SNAP91: variants seen among roughly 807,000 people sequenced by gnomAD.
The protein encoded by SNAP91 is synaptosome associated protein 91.
In SNAP91, 27 loss-of-function variants were observed where a neutral mutation model predicts 100.3. That is an observed-to-expected ratio of 0.27 (90% CI 0.20 to 0.37). SNAP91 has a LOEUF of 0.37. SNAP91 is among the 10% of genes least tolerant of loss of function. The pLI, the probability that SNAP91 is intolerant of heterozygous loss-of-function variation, is 1.00. For missense variants in SNAP91, 986 were observed against 1,123.7 expected (o/e 0.88, Z 1.75); for synonymous variants, 404 against 398.6 (o/e 1.01, Z -0.16).
At chr6:83,685,131 T>C (rs978343725) in intron 2 of SNAP91, among the ~76,000 whole-genome samples, 2 of 152,216 alleles carry the variant, frequency 1.3e-5, no homozygotes, top group African/African-American at 4.8e-5. Context: ...TCCCAGTATT[T>C]ATGCTTTAAG....
intron 29 of SNAP91, among the ~76,000 whole-genome samples, chr6:83,554,767 C>T (rs996849048): frequency 2.6e-5 from 4 of 152,138 alleles, no homozygotes; most frequent in Non-Finnish European, 4.4e-5. Context: ...CCTGGCGACC[C>T]GATGCCTTTC....
chr6:83,675,608 A>G (rs573464959), intron 2 of SNAP91, among the ~76,000 whole-genome samples: 5 of 152,260 alleles, frequency 3.3e-5, no homozygotes, highest in African/African-American at 1.2e-4. Context: ...AACGCAGCAT[A>G]TATCACAGTT....
At position 83,674,056 on chromosome 6, in the gene SNAP91, T is replaced by TTTTG. The variant is rs756918513; in HGVS notation, c.131-8479_131-8476dup. 4.6e-5 allele frequency among the ~76,000 whole-genome samples: 7 copies of TTTTG among 152,270 alleles called. 1 individual carries two copies. Among genetic ancestry groups the TTTTG allele is most frequent in the South Asian group, 4.1e-4 (2 of 4,826 alleles). ...AAAGCACCTGGGTCTGAATCATGTT[T>TTTTG]TTTGTTTGTTTGTTTGTTTTGTTTT... On this transcript the variant is annotated intron_variant, in intron 2 of 29. Coordinates refer to ENST00000369694, the MANE Select transcript of SNAP91 (RefSeq NM_001242792.2).
At chr6:83,668,853 G>C (rs1240506171) in intron 2 of SNAP91, among the ~76,000 whole-genome samples, 1 of 152,012 alleles carries the variant, frequency 6.6e-6, no homozygotes, top group African/African-American at 2.4e-5. Flanking sequence ...TTCATCTATA[G>C]ACACTCCTTG....
chr6:83,579,713 T>C (rs1825249002), intron 24 of SNAP91, among the ~76,000 whole-genome samples: 1 of 152,158 alleles, frequency 6.6e-6, no homozygotes, highest in African/African-American at 2.4e-5. Flanking sequence ...CCAGGCAAAC[T>C]TCTGCCTCAA....
At chr6:83,676,462 A>T (rs1349855536) in intron 2 of SNAP91, among the ~76,000 whole-genome samples, 4 of 152,236 alleles carry the variant, frequency 2.6e-5, no homozygotes, top group African/African-American at 4.8e-5. Flanking sequence ...CGATTCAGTC[A>T]TCTTGGGAAG....
intron 22 of SNAP91, among the ~76,000 whole-genome samples, chr6:83,585,734 C>A (rs996948615): frequency 6.6e-6 from 1 of 152,038 alleles, no homozygotes; most frequent in Non-Finnish European, 1.5e-5. Context: ...AGGGGAGTAG[C>A]CCACACTCTT....
chr6:83,594,723 G>T (rs538294414), intron 16 of SNAP91, among the ~76,000 whole-genome samples: 3 of 151,792 alleles, frequency 2.0e-5, no homozygotes, highest in African/African-American at 7.2e-5. Context: ...GATCCAAAAG[G>T]TAATGAGATT....
intron 22 of SNAP91, among the ~76,000 whole-genome samples, chr6:83,586,610 G>A (rs865839893): frequency 2.0e-5 from 3 of 152,160 alleles, no homozygotes; most frequent in Non-Finnish European, 2.9e-5. Flanking sequence ...TGTATTTTCA[G>A]TTGGTATATT....
chr6:83,690,569 G>A (rs1241740000), intron 2 of SNAP91: 1 of 364,952 alleles, frequency 2.7e-6, no homozygotes, highest in East Asian at 8.3e-5. Flanking sequence ...TCTAAAGAAA[G>A]AGAAAGCCTA....
intron 2 of SNAP91, among the ~76,000 whole-genome samples, chr6:83,697,909 G>A (rs2099241261): frequency 6.6e-6 from 1 of 152,076 alleles, no homozygotes; most frequent in Non-Finnish European, 1.5e-5. Flanking sequence ...CAGTCTCAAA[G>A]AAACTACAGA....
At chr6:83,701,154 G>A (rs201194904) in intron 2 of SNAP91, among the ~76,000 whole-genome samples, 1 of 72,868 alleles carries the variant, frequency 1.4e-5, no homozygotes, top group Non-Finnish European at 2.8e-5. Flanking sequence ...AAGAATGACA[G>A]GTTGGTTGTT....
At chr6:83,554,396 A>G (rs1425167771) in intron 29 of SNAP91, 111 bp from the exon 30 acceptor site, 2 of 171,072 alleles carry the variant, frequency 1.2e-5, no homozygotes, top group African/African-American at 4.8e-5. Context: ...ACTTTTACAT[A>G]AAAAGGTCTC....
intron 2 of SNAP91, among the ~76,000 whole-genome samples, chr6:83,669,583 AATAAG>A (rs70987764): frequency 0.17 from 26,488 of 151,828 alleles, 2,933 homozygotes; most frequent in South Asian, 0.28. Flanking sequence ...CAAAACCAAA[AATAAG>A]ATAATGAACA....
At chr6:83,634,553 T>A (rs531598853) in intron 8 of SNAP91, among the ~76,000 whole-genome samples, 1 of 152,252 alleles carries the variant, frequency 6.6e-6, no homozygotes, top group African/African-American at 2.4e-5. Flanking sequence ...AATGCGAGCC[T>A]CCATATGCTG....
At chr6:83,567,487 C>T (rs1430989268) in intron 26 of SNAP91, among the ~76,000 whole-genome samples, 2 of 152,068 alleles carry the variant, frequency 1.3e-5, no homozygotes, top group Non-Finnish European at 2.9e-5. Flanking sequence ...CAACAAAAGC[C>T]AAAATTGACA....
chr6:83,620,666 T>C (rs1405517999), intron 9 of SNAP91, among the ~76,000 whole-genome samples: 1 of 152,102 alleles, frequency 6.6e-6, no homozygotes, highest in African/African-American at 2.4e-5. Context: ...AAGCATATCA[T>C]ATTCTTGTAT....
intron 24 of SNAP91, among the ~76,000 whole-genome samples, chr6:83,577,483 CA>C (rs1820847644): frequency 6.6e-6 from 1 of 152,032 alleles, no homozygotes; most frequent in African/African-American, 2.4e-5. Flanking sequence ...CAAAAGAAAG[CA>C]GAAGTGTACC....
chr6:83,592,947 A>G lies in SNAP91; in HGVS notation c.1845T>C (p.Ser615=). 6.3e-7 allele frequency: 1 copy of G among 1,578,536 alleles called. No individual in the cohort carries two copies. The highest frequency in any genetic ancestry group is 8.6e-7 in the Non-Finnish European group (1 of 1,161,330). The change falls in exon 20 of 30, where the codon TCT becomes TCC. Residue 615 remains serine (S), a splice_region_variant and synonymous_variant. Coordinates refer to ENST00000369694, the MANE Select transcript of SNAP91 (RefSeq NM_001242792.2). ...PESSLTADLL[S]VDAFAAPSPA... ...TCCTGACCTTGGCAAAGCACTCACCAGATAAGAGGTCAGCAGTGAGAGAAC... is the reference window on the plus strand; with the variant it reads ...TCCTGACCTTGGCAAAGCACTCACCGGATAAGAGGTCAGCAGTGAGAGAAC...
Sources: allele counts gnomAD v4.1 joint callset (sites outside exome capture counted in the v4.1 genomes callset), GRCh38; gene constraint gnomAD v4.1.1; transcripts MANE v1.5; gene names NCBI Gene and HGNC (gene_info 2026-07-23, HGNC 2026-07-21).